Variants in BABAM2 observed in about 807,000 individuals in gnomAD.
BABAM2 encodes the protein BRISC and BRCA1 A complex member 2.
BABAM2 carries 31 observed loss-of-function variants against 54.7 expected under a neutral mutation model. The ratio of observed to expected loss-of-function variants is 0.57; its 90% CI spans 0.43 to 0.77. The LOEUF is 0.77. BABAM2 is among the 30% of genes least tolerant of loss of function. The probability of loss-of-function intolerance (pLI) is 0.00; values close to 1 mark genes in which losing one functional copy is unlikely to be tolerated. For missense variants in BABAM2, 364 were observed against 455.8 expected, an observed-to-expected ratio of 0.80 and a Z score of 1.83; for synonymous variants, 167 against 162.9, an observed-to-expected ratio of 1.03 and a Z score of -0.19.
intron 3 of BABAM2, among the ~76,000 whole-genome samples, chr2:27,949,458 C>T (rs1042647095): frequency 1.3e-5 from 2 of 151,302 alleles, no homozygotes; most frequent in African/African-American, 4.9e-5. Flanking sequence ...CGCTTGAACC[C>T]GGGAGGCGGA....
chr2:28,072,562 T>C lies in BABAM2; in HGVS notation c.570+26763T>C, dbSNP rs188774174. Among the ~76,000 whole-genome samples the C allele has an allele frequency of 9.1e-3, 1,384 of 152,242 alleles. 24 individuals are homozygous for C. Among genetic ancestry groups the C allele is most frequent in the African/African-American group, 0.031 (1,292 of 41,532 alleles). On this transcript the variant is annotated intron_variant, in intron 6 of 11. Coordinates refer to ENST00000379624, the MANE Select transcript of BABAM2 (RefSeq NM_199191.3). ...CACCACGCCTGGCTAATTTTTTGTA[T>C]TTTTAGTAGAGACGGGGTTTCACTG...
chr2:28,303,442 T>C (rs1688265803), intron 11 of BABAM2, among the ~76,000 whole-genome samples: 1 of 152,262 alleles, frequency 6.6e-6, no homozygotes, highest in Non-Finnish European at 1.5e-5. Context: ...AAAATACTTT[T>C]CTTTCCCTGT....
At chr2:27,971,109 T>C (rs1013618239) in intron 3 of BABAM2, among the ~76,000 whole-genome samples, 3 of 152,122 alleles carry the variant, frequency 2.0e-5, no homozygotes, top group African/African-American at 7.2e-5. Context: ...AGATACCTTT[T>C]CTCAATTATA....
chr2:28,226,060 A>C (rs971096099), intron 7 of BABAM2, among the ~76,000 whole-genome samples: 1 of 152,242 alleles, frequency 6.6e-6, no homozygotes, highest in Admixed American at 6.5e-5. Context: ...AAAATATTTA[A>C]ATAATAATGT....
chr2:27,925,351 A>G (rs1209582695), intron 2 of BABAM2, among the ~76,000 whole-genome samples: 1 of 152,074 alleles, frequency 6.6e-6, no homozygotes, highest in Non-Finnish European at 1.5e-5. Context: ...CTCCTTTCCT[A>G]GAAGTCTTAT....
intron 6 of BABAM2, among the ~76,000 whole-genome samples, chr2:28,124,130 AGTCATTGGG>A (rs1669300255): frequency 6.6e-6 from 1 of 152,210 alleles, no homozygotes. Flanking sequence ...AAGAAAACTT[AGTCATTGGG>A]GAAAGGTTTC....
At chr2:28,278,994 C>T (rs1394432634) in intron 10 of BABAM2, among the ~76,000 whole-genome samples, 2 of 152,204 alleles carry the variant, frequency 1.3e-5, no homozygotes, top group Non-Finnish European at 2.9e-5. Context: ...GTGAGCCCGT[C>T]CTCTTTTGAG....
chr2:28,096,265 T>G (rs1666610428), intron 6 of BABAM2, among the ~76,000 whole-genome samples: 1 of 152,102 alleles, frequency 6.6e-6, no homozygotes, highest in South Asian at 2.1e-4. Flanking sequence ...TGCCATTGTT[T>G]TAAAAAGTGA....
chr2:27,900,370 T>C (rs1322051208), intron 2 of BABAM2, among the ~76,000 whole-genome samples: 1 of 146,868 alleles, frequency 6.8e-6, no homozygotes, highest in East Asian at 1.9e-4. Flanking sequence ...CAAGATTTCT[T>C]TTTTTTTTTT....
intron 10 of BABAM2, among the ~76,000 whole-genome samples, chr2:28,246,200 C>T (rs923617519): frequency 5.9e-5 from 9 of 152,198 alleles, no homozygotes; most frequent in Non-Finnish European, 1.0e-4. Flanking sequence ...CTGGCAATCT[C>T]CTCTTTGCTC....
At chr2:28,308,405 A>G (rs755822596) in intron 11 of BABAM2, 2 of 517,392 alleles carry the variant, frequency 3.9e-6, no homozygotes, top group African/African-American at 3.9e-5. Context: ...TCCCCCAACC[A>G]CTGAGTCAGC....
intron 3 of BABAM2, among the ~76,000 whole-genome samples, chr2:27,964,622 G>T (rs543178228): frequency 2.0e-5 from 3 of 152,268 alleles, no homozygotes; most frequent in Non-Finnish European, 2.9e-5. Context: ...GCAGCACAGT[G>T]TAGGAACAAC....
At chr2:27,917,014 C>CTTTTTTTTTTTTTTTTTTT (rs753765833) in intron 2 of BABAM2, among the ~76,000 whole-genome samples, 1 of 90,108 alleles carries the variant, frequency 1.1e-5, no homozygotes. Context: ...TCACTCCAAA[C>CTTTTTTTTTTTTTTTTTTT]TTTTTTTTTT....
In BABAM2 at chr2:27,935,145, G is replaced by A. The variant is rs191742408; in HGVS notation, c.205+5237G>A. 1.5e-3 allele frequency among the ~76,000 whole-genome samples: 225 copies of A among 152,278 alleles called. 4 individuals are homozygous for A. The East Asian group carries it at 0.033, about 22-fold the overall frequency. On this transcript the variant is annotated intron_variant, in intron 3 of 11. Coordinates refer to ENST00000379624, the MANE Select transcript of BABAM2 (RefSeq NM_199191.3). ...ACTGACTTTCTGATTAGGGACAAAG[G>A]CAGCTAGTGACTAATTTGAAGCCAA...
At chr2:28,028,942 T>C (rs1324372782) in intron 5 of BABAM2, among the ~76,000 whole-genome samples, 1 of 152,068 alleles carries the variant, frequency 6.6e-6, no homozygotes, top group Non-Finnish European at 1.5e-5. Flanking sequence ...AATTTTTGTA[T>C]TTTTAGTAGA....
intron 11 of BABAM2, among the ~76,000 whole-genome samples, chr2:28,311,082 A>G (rs930684731): frequency 2.0e-5 from 3 of 152,074 alleles, no homozygotes; most frequent in African/African-American, 7.2e-5. Flanking sequence ...TAACATGGTG[A>G]AACCCTGCCT....
chr2:28,065,328 C>A (rs527930913), intron 6 of BABAM2, among the ~76,000 whole-genome samples: 1 of 152,156 alleles, frequency 6.6e-6, no homozygotes, highest in African/African-American at 2.4e-5. Flanking sequence ...ATTCCTGATC[C>A]GGTCAGACTG....
intron 6 of BABAM2, among the ~76,000 whole-genome samples, chr2:28,112,434 A>T (rs1464438955): frequency 6.6e-6 from 1 of 151,090 alleles, no homozygotes; most frequent in East Asian, 2.0e-4. Context: ...TTCAACTCCC[A>T]CTTATGAGTG....
At chr2:28,109,957 G>A (rs756610651) in intron 6 of BABAM2, among the ~76,000 whole-genome samples, 1 of 151,686 alleles carries the variant, frequency 6.6e-6, no homozygotes, top group South Asian at 2.1e-4. Flanking sequence ...AATGTTGTGC[G>A]ACCATCATGA....
Sources: allele counts gnomAD v4.1 joint callset (sites outside exome capture counted in the v4.1 genomes callset), GRCh38; gene constraint gnomAD v4.1.1; transcripts MANE v1.5; gene names NCBI Gene and HGNC (gene_info 2026-07-23, HGNC 2026-07-21).